The following SDK1 variants were observed in gnomAD, a reference collection of about 807,000 sequenced individuals.
SDK1 encodes the protein sidekick cell adhesion molecule 1.
Under a neutral mutation model 245.5 loss-of-function variants are expected in SDK1, and 157 were observed. The ratio of observed to expected loss-of-function variants is 0.64; its 90% CI spans 0.56 to 0.73. The LOEUF is 0.73. SDK1 is among the 30% of genes least tolerant of loss of function. The probability of loss-of-function intolerance (pLI) is 0.00; values close to 1 mark genes in which losing one functional copy is unlikely to be tolerated. For missense variants in SDK1, 3,583 were observed against 3,002.3 expected, an observed-to-expected ratio of 1.19 and a Z score of -4.52; for synonymous variants, 1,647 against 1,278.5, an observed-to-expected ratio of 1.29 and a Z score of -6.15.
At chr7:3,384,979 C>G (rs1048238180) in intron 1 of SDK1, among the ~76,000 whole-genome samples, 2 of 152,164 alleles carry the variant, frequency 1.3e-5, no homozygotes, top group Non-Finnish European at 2.9e-5. Context: ...ACCCTGTCCC[C>G]TGGCTTAAAG....
chr7:3,872,152 T>C (rs936397235), intron 5 of SDK1, among the ~76,000 whole-genome samples: 3 of 152,224 alleles, frequency 2.0e-5, no homozygotes, highest in Admixed American at 1.3e-4. Flanking sequence ...GGTAATAATA[T>C]GTTATTCTTT....
chr7:3,381,652 C>T (rs935835142), intron 1 of SDK1, among the ~76,000 whole-genome samples: 3 of 152,130 alleles, frequency 2.0e-5, no homozygotes, highest in Non-Finnish European at 4.4e-5. Context: ...TTGTATTTTC[C>T]AACGGAGGTG....
intron 1 of SDK1, among the ~76,000 whole-genome samples, chr7:3,488,866 C>G (rs1373201793): frequency 6.6e-6 from 1 of 151,780 alleles, no homozygotes; most frequent in African/African-American, 2.4e-5. Context: ...TGCATGTCCC[C>G]TTTCTAGCAC....
intron 1 of SDK1, among the ~76,000 whole-genome samples, chr7:3,369,701 A>G (rs1368548570): frequency 1.3e-5 from 2 of 152,254 alleles, no homozygotes; most frequent in African/African-American, 4.8e-5. Context: ...ATTATTATAA[A>G]TTAATAAAAT....
At chr7:4,225,214 G>C (rs1785358044) in intron 40 of SDK1, among the ~76,000 whole-genome samples, 1 of 152,058 alleles carries the variant, frequency 6.6e-6, no homozygotes, top group Non-Finnish European at 1.5e-5. Context: ...TTTGCAGGAT[G>C]TTACCACTGG....
intron 22 of SDK1, among the ~76,000 whole-genome samples, chr7:4,102,685 C>A (rs1471013974): frequency 6.6e-6 from 1 of 152,172 alleles, no homozygotes; most frequent in Non-Finnish European, 1.5e-5. Flanking sequence ...GCCCTGCCCA[C>A]CAGTTTCCAC....
chr7:3,366,704 A>G (rs1459172746), intron 1 of SDK1, among the ~76,000 whole-genome samples: 2 of 151,958 alleles, frequency 1.3e-5, no homozygotes, highest in Non-Finnish European at 2.9e-5. Context: ...TCTTTTGCCT[A>G]TTTGTATATT....
intron 4 of SDK1, among the ~76,000 whole-genome samples, chr7:3,810,311 C>T (rs1034768225): frequency 6.6e-6 from 1 of 152,136 alleles, no homozygotes; most frequent in Non-Finnish European, 1.5e-5. Flanking sequence ...AACATGTATT[C>T]CGCACATTTT....
chr7:4,181,922 T>C (rs188780962), intron 35 of SDK1, among the ~76,000 whole-genome samples: 3 of 152,118 alleles, frequency 2.0e-5, no homozygotes, highest in Admixed American at 1.3e-4. Flanking sequence ...TTTATGCATC[T>C]TTTTTTTCTT....
intron 4 of SDK1, among the ~76,000 whole-genome samples, chr7:3,720,847 A>G (rs932610679): frequency 2.0e-5 from 3 of 152,236 alleles, no homozygotes; most frequent in Non-Finnish European, 4.4e-5. Flanking sequence ...AAAAGTTCAA[A>G]TATCTTGCAA....
intron 4 of SDK1, among the ~76,000 whole-genome samples, chr7:3,737,820 G>C (rs1025614666): frequency 6.6e-6 from 1 of 152,174 alleles, no homozygotes; most frequent in African/African-American, 2.4e-5. Flanking sequence ...TTCCCTACTG[G>C]AAAAACATAG....
chr7:4,114,253 C>T lies in SDK1; in HGVS notation c.3802C>T (p.Arg1268Trp), dbSNP rs767673155. The T allele has an allele frequency of 1.9e-5, 30 of 1,608,146 alleles. No individual in the cohort carries two copies. The highest frequency in any genetic ancestry group is 2.7e-5 in the African/African-American group (2 of 74,804). The change falls in exon 25 of 45, where the codon CGG (arginine) becomes TGG (tryptophan). Residue 1268 changes from arginine to tryptophan, a missense_variant. Arg to Trp is a moderately radical substitution (Grantham distance 101). Transcript: ENST00000404826. ...GGCTGGGCCGTGGAGCGAGGTGGTG[C>T]GGGGCCGGACGCGGGAGTCAGGTGA... is the stretch of plus-strand genomic sequence containing the variant. ...VGAGPWSEVV[R>W]GRTRESVPSA...
intron 35 of SDK1, among the ~76,000 whole-genome samples, chr7:4,178,973 C>T (rs1270225450): frequency 6.6e-6 from 1 of 152,236 alleles, no homozygotes; most frequent in Non-Finnish European, 1.5e-5. Context: ...TGGGCTTCGG[C>T]AGTGGCCTGG....
chr7:4,219,995 ACTTC>A (rs1243398152), intron 38 of SDK1, 110 bp from the exon 39 acceptor site: 1 of 1,267,112 alleles, frequency 7.9e-7, no homozygotes, highest in African/African-American at 1.5e-5. Flanking sequence ...AGTAAGAAAT[ACTTC>A]CTTAGCAAAC....
At position 3,957,520 on chromosome 7, in the gene SDK1, C is replaced by G. The variant is rs538263747; in HGVS notation, c.1151-1411C>G. ...TAAGAAGAGGAAAACTATAATTAAT[C>G]ATAAGCAAATGTTGTTGTCGAATGT... On this transcript the variant is annotated intron_variant, in intron 7 of 44. Transcript: ENST00000404826. Among the ~76,000 whole-genome samples, 3 of 152,278 alleles carry G rather than the reference C, an allele frequency of 2.0e-5. No individual in the cohort carries two copies. The South Asian group carries it at 6.2e-4, about 32-fold the overall frequency.
chr7:3,578,141 A>G (rs562650811), intron 1 of SDK1, among the ~76,000 whole-genome samples: 5 of 151,826 alleles, frequency 3.3e-5, no homozygotes, highest in African/African-American at 4.8e-5. Flanking sequence ...GGTTCTTTCT[A>G]TTTTCCATTA....
At chr7:4,047,340 A>G (rs1191447090) in intron 17 of SDK1, among the ~76,000 whole-genome samples, 2 of 152,178 alleles carry the variant, frequency 1.3e-5, no homozygotes, top group Non-Finnish European at 2.9e-5. Flanking sequence ...TATAAGATAC[A>G]CCTCGCTTGA....
chr7:3,431,475 A>G (rs1364394200), intron 1 of SDK1, among the ~76,000 whole-genome samples: 1 of 150,742 alleles, frequency 6.6e-6, no homozygotes, highest in Non-Finnish European at 1.5e-5. Flanking sequence ...GTGGTCTATG[A>G]GTAAGGCTCT....
intron 22 of SDK1, among the ~76,000 whole-genome samples, chr7:4,095,248 C>T (rs1782072355): frequency 7.7e-6 from 1 of 130,666 alleles, no homozygotes; most frequent in Admixed American, 7.4e-5. Context: ...TCCCCCACAT[C>T]TGAGCTCTTC....
Sources: gnomAD v4.1 joint callset for allele counts (sites outside exome capture counted in the v4.1 genomes callset) on GRCh38, gnomAD v4.1.1 for gene constraint, MANE v1.5 for transcripts, NCBI Gene and HGNC (gene_info 2026-07-23, HGNC 2026-07-21) for gene names.